Variants in SPAG16 observed in about 807,000 individuals in gnomAD.
SPAG16 encodes sperm-associated antigen 16 protein.
In SPAG16, 86 loss-of-function variants were observed where a neutral mutation model predicts 80.4. The observed-to-expected ratio is 1.07, with a 90% confidence interval of 0.90 to 1.28. SPAG16 has a LOEUF of 1.28. Among genes scored for constraint, SPAG16 ranks in the 50% most tolerant of loss-of-function variants. The probability of loss-of-function intolerance (pLI) is 0.00; values close to 1 mark genes in which losing one functional copy is unlikely to be tolerated. For missense variants in SPAG16, 870 were observed against 765.3 expected (o/e 1.14, Z -1.61); for synonymous variants, 294 against 265.9 (o/e 1.11, Z -1.03).
intron 9 of SPAG16, among the ~76,000 whole-genome samples, chr2:213,421,319 C>CT (rs779740678): frequency 3.2e-4 from 48 of 152,246 alleles, no homozygotes; most frequent in Non-Finnish European, 6.5e-4. Context: ...GGTGCCGACT[C>CT]ACCAGTCCCC....
chr2:213,334,554 C>G (rs886690923), intron 5 of SPAG16, among the ~76,000 whole-genome samples: 1 of 152,056 alleles, frequency 6.6e-6, no homozygotes, highest in African/African-American at 2.4e-5. Context: ...TGAAAGCAAC[C>G]TAAGTGTCTA....
At chr2:213,342,576 G>A (rs140270743) in intron 6 of SPAG16, among the ~76,000 whole-genome samples, 17 of 151,638 alleles carry the variant, frequency 1.1e-4, no homozygotes, top group East Asian at 1.9e-4. Context: ...AATTAATGAC[G>A]TTTATAAATA....
At chr2:213,799,948 A>G (rs75628622) in intron 10 of SPAG16, among the ~76,000 whole-genome samples, 393 of 144,080 alleles carry the variant, frequency 2.7e-3, no homozygotes, top group African/African-American at 9.3e-3. Context: ...CCCATCAGTG[A>G]TAGACTGGAT....
At chr2:213,643,346 TTTTATATATATATATA>T (rs1253454143) in intron 10 of SPAG16, among the ~76,000 whole-genome samples, 1,524 of 72,542 alleles carry the variant, frequency 0.021, 208 homozygotes, top group East Asian at 0.033. Flanking sequence ...TGGATCTTAA[TTTTATATATATATATA>T]TATATATATA....
At chr2:213,985,519 T>G (rs2045958898) in intron 12 of SPAG16, among the ~76,000 whole-genome samples, 1 of 152,092 alleles carries the variant, frequency 6.6e-6, no homozygotes. Flanking sequence ...TTGATAAAAA[T>G]TTATATTATT....
intron 15 of SPAG16, among the ~76,000 whole-genome samples, chr2:214,292,811 A>C (rs1385299235): frequency 6.6e-6 from 1 of 152,194 alleles, no homozygotes; most frequent in African/African-American, 2.4e-5. Context: ...GCAGAGAAAG[A>C]CATTTTCCTG....
chr2:214,175,698 G>C (rs1296493075), intron 15 of SPAG16, among the ~76,000 whole-genome samples: 1 of 151,484 alleles, frequency 6.6e-6, no homozygotes, highest in African/African-American at 2.4e-5. Context: ...AGTTATTTCA[G>C]ACTACTTTTA....
At chr2:213,469,054 G>A (rs1422041658) in intron 9 of SPAG16, among the ~76,000 whole-genome samples, 1 of 152,026 alleles carries the variant, frequency 6.6e-6, no homozygotes, top group East Asian at 1.9e-4. Context: ...TGATTCAAAT[G>A]TTAATGTTCT....
intron 15 of SPAG16, among the ~76,000 whole-genome samples, chr2:214,250,884 T>G (rs1690243229): frequency 6.6e-6 from 1 of 150,660 alleles, no homozygotes. Context: ...TTTTCTCAGA[T>G]TTTGATTATT....
At chr2:213,871,062 A>G (rs551305777) in intron 11 of SPAG16, among the ~76,000 whole-genome samples, 2 of 152,312 alleles carry the variant, frequency 1.3e-5, no homozygotes, top group South Asian at 4.1e-4. Context: ...ATATACACAT[A>G]CACAAACACA....
chr2:213,935,166 C>A (rs1022962575), intron 12 of SPAG16, among the ~76,000 whole-genome samples: 1 of 142,558 alleles, frequency 7.0e-6, no homozygotes, highest in African/African-American at 2.6e-5. Flanking sequence ...AGCGCCACTG[C>A]ACTCCAGCCT....
At chr2:213,349,126 G>A (rs1258069806) in intron 6 of SPAG16, among the ~76,000 whole-genome samples, 3 of 152,100 alleles carry the variant, frequency 2.0e-5, no homozygotes, top group African/African-American at 7.2e-5. Context: ...ATGAGGCAAA[G>A]AAGAAAATTA....
At chr2:213,574,032 G>C (rs1235707889) in intron 10 of SPAG16, among the ~76,000 whole-genome samples, 1 of 152,116 alleles carries the variant, frequency 6.6e-6, no homozygotes, top group African/African-American at 2.4e-5. Context: ...TAAGCTGCTA[G>C]TACCCAGACT....
At chr2:213,424,405 T>A (rs1366606692) in intron 9 of SPAG16, among the ~76,000 whole-genome samples, 1 of 152,208 alleles carries the variant, frequency 6.6e-6, no homozygotes, top group Non-Finnish European at 1.5e-5. Context: ...TAAACCCGAC[T>A]TTATGAACTA....
At chr2:214,229,206 A>G (rs1042126790) in intron 15 of SPAG16, among the ~76,000 whole-genome samples, 1 of 151,778 alleles carries the variant, frequency 6.6e-6, no homozygotes, top group Non-Finnish European at 1.5e-5. Flanking sequence ...AAAGGATGTA[A>G]AGGTCACTAC....
chr2:213,494,202 C>T (rs1302494133), intron 10 of SPAG16, among the ~76,000 whole-genome samples: 2 of 152,192 alleles, frequency 1.3e-5, no homozygotes, highest in Non-Finnish European at 2.9e-5. Context: ...TTTATAGCTT[C>T]ATCTTTTCAC....
intron 13 of SPAG16, among the ~76,000 whole-genome samples, chr2:214,015,558 A>AT (rs2047550688): frequency 2.0e-5 from 3 of 150,958 alleles, no homozygotes; most frequent in African/African-American, 7.3e-5. Flanking sequence ...AAATCATGCC[A>AT]TTGCACTCTA....
intron 12 of SPAG16, among the ~76,000 whole-genome samples, chr2:213,973,021 C>T (rs890756890): frequency 6.6e-6 from 1 of 152,132 alleles, no homozygotes; most frequent in Non-Finnish European, 1.5e-5. Context: ...CAGTGTTTGA[C>T]GATTAATTCT....
chr2:213,915,638 A>G (rs983773588), intron 11 of SPAG16, among the ~76,000 whole-genome samples: 16 of 152,172 alleles, frequency 1.1e-4, no homozygotes, highest in African/African-American at 3.4e-4. Flanking sequence ...CTTTGGGTAT[A>G]TGCCCAGTAA....
Sources: allele counts gnomAD v4.1 joint callset (sites outside exome capture counted in the v4.1 genomes callset), GRCh38; gene constraint gnomAD v4.1.1; transcripts MANE v1.5; gene names NCBI Gene and HGNC (gene_info 2026-07-23, HGNC 2026-07-21).